TENM2: variants seen among roughly 807,000 people sequenced by gnomAD.
The protein encoded by TENM2 is teneurin transmembrane protein 2, also known as teneurin-2.
TENM2 carries 52 observed loss-of-function variants against 245.2 expected under a neutral mutation model. The ratio of observed to expected loss-of-function variants is 0.21; its 90% CI spans 0.17 to 0.27. The LOEUF is 0.27. TENM2 is among the 10% of genes least tolerant of loss of function. The pLI, the probability that TENM2 is intolerant of heterozygous loss-of-function variation, is 1.00. For missense variants in TENM2, 3,046 were observed against 3,666.8 expected, an observed-to-expected ratio of 0.83 and a Z score of 4.37; for synonymous variants, 1,363 against 1,438.9, an observed-to-expected ratio of 0.95 and a Z score of 1.19.
intron 2 of TENM2, among the ~76,000 whole-genome samples, chr5:167,617,716 C>A (rs1194704839): frequency 1.3e-5 from 2 of 152,112 alleles, no homozygotes; most frequent in African/African-American, 4.8e-5. Context: ...TAATGCTATG[C>A]TTTAAACATT....
At chr5:167,408,956 A>G (rs896967723) in intron 2 of TENM2, among the ~76,000 whole-genome samples, 1 of 151,020 alleles carries the variant, frequency 6.6e-6, no homozygotes, top group South Asian at 2.1e-4. Context: ...ATATATATAT[A>G]TATACACACA....
chr5:167,013,390 A>G, the TENM2 span, among the ~76,000 whole-genome samples: 9 of 152,206 alleles, frequency 5.9e-5, no homozygotes, highest in East Asian at 1.5e-3. Context: ...CACCTTTTCT[A>G]TCAGTAGCCT....
the TENM2 span, among the ~76,000 whole-genome samples, chr5:167,233,805 A>T: frequency 0.014 from 2,160 of 152,228 alleles, 24 homozygotes; most frequent in Non-Finnish European, 0.023. Flanking sequence ...ATTATGTCTA[A>T]TTTTTTTAAT....
the TENM2 span, among the ~76,000 whole-genome samples, chr5:166,993,016 C>T: frequency 1.3e-5 from 2 of 152,040 alleles, no homozygotes; most frequent in Non-Finnish European, 2.9e-5. Flanking sequence ...CATGCGTGGC[C>T]TTTCCCCTCT....
chr5:167,381,866 T>G (rs2127336017), intron 2 of TENM2, among the ~76,000 whole-genome samples: 1 of 152,340 alleles, frequency 6.6e-6, no homozygotes, highest in South Asian at 2.1e-4. Flanking sequence ...AAAGTGGGTT[T>G]AATTTTGCTC....
intron 3 of TENM2, chr5:167,934,758 AG>A (rs1212396712): frequency 1.7e-6 from 1 of 598,182 alleles, no homozygotes; most frequent in African/African-American, 2.0e-5. Context: ...TCTTCCCACA[AG>A]GAAACTCGGC....
At chr5:168,011,131 G>A (rs1485131713) in intron 5 of TENM2, among the ~76,000 whole-genome samples, 3 of 152,204 alleles carry the variant, frequency 2.0e-5, no homozygotes, top group Admixed American at 2.0e-4. Flanking sequence ...CTCAGCCTTT[G>A]CTCATTAATG....
At chr5:167,002,644 A>C in the TENM2 span, among the ~76,000 whole-genome samples, 1 of 151,988 alleles carries the variant, frequency 6.6e-6, no homozygotes, top group Non-Finnish European at 1.5e-5. Flanking sequence ...GTGTCTGCAA[A>C]AAGACAAAAA....
At chr5:168,253,988 G>A (rs1487303750) in intron 27 of TENM2, among the ~76,000 whole-genome samples, 1 of 152,184 alleles carries the variant, frequency 6.6e-6, no homozygotes, top group Non-Finnish European at 1.5e-5. Flanking sequence ...CTTTGGCTAC[G>A]AACCCCAGGC....
At chr5:167,275,594 C>T in the TENM2 span, among the ~76,000 whole-genome samples, 1 of 151,994 alleles carries the variant, frequency 6.6e-6, no homozygotes, top group East Asian at 1.9e-4. Context: ...AGCTTTGTAT[C>T]TAAGTACTTC....
intron 2 of TENM2, among the ~76,000 whole-genome samples, chr5:167,535,760 A>G (rs1771802059): frequency 6.6e-6 from 1 of 152,266 alleles, no homozygotes. Flanking sequence ...CCCAGCCACC[A>G]GAACTATGAG....
chr5:167,369,837 T>C (rs1183027653), intron 1 of TENM2, among the ~76,000 whole-genome samples: 1 of 152,224 alleles, frequency 6.6e-6, no homozygotes, highest in African/African-American at 2.4e-5. Context: ...TTCAGTGCTA[T>C]TTGTGTATCC....
At chr5:167,943,392 C>A (rs1245650352) in intron 3 of TENM2, among the ~76,000 whole-genome samples, 1 of 151,864 alleles carries the variant, frequency 6.6e-6, no homozygotes, top group Non-Finnish European at 1.5e-5. Flanking sequence ...CTGTAAACAT[C>A]TCAAAGAGAG....
intron 2 of TENM2, among the ~76,000 whole-genome samples, chr5:167,411,538 C>CTG (rs946583195): frequency 6.8e-6 from 1 of 146,162 alleles, no homozygotes; most frequent in South Asian, 2.2e-4. Flanking sequence ...CAAGTTGTGT[C>CTG]TGTGTTTGTG....
rs749818219 is a variant in TENM2 at position 167,358,842 on chromosome 5, CACACACACA to C, written c.227-16355_227-16347del. Among the ~76,000 whole-genome samples the C allele has an allele frequency of 3.5e-3, 358 of 101,902 alleles. 1 individual carries two copies. Among genetic ancestry groups the C allele is most frequent in the Non-Finnish European group, 6.4e-3 (278 of 43,606 alleles). 66.9% of individuals were successfully genotyped at this position (101,902 alleles called of 152,430 possible). On this transcript the variant is annotated intron_variant, in intron 1 of 28. Coordinates refer to ENST00000518659, the Ensembl canonical transcript of TENM2. ...ACACACACACACACACACACACACA[CACACACACA>C]CCCTGCTGTTTTTACAGCCTACCCC...
chr5:167,395,346 A>G (rs995264522), intron 2 of TENM2, among the ~76,000 whole-genome samples: 2 of 152,140 alleles, frequency 1.3e-5, no homozygotes, highest in Non-Finnish European at 2.9e-5. Flanking sequence ...GTATCCTGCA[A>G]CTTTACTGAA....
At chr5:167,412,828 T>C (rs2127407600) in intron 2 of TENM2, among the ~76,000 whole-genome samples, 1 of 151,630 alleles carries the variant, frequency 6.6e-6, no homozygotes, top group Non-Finnish European at 1.5e-5. Flanking sequence ...AGATGTTACA[T>C]GTTTAACTTA....
chr5:167,297,190 T>G (rs1754992493), intron 1 of TENM2, among the ~76,000 whole-genome samples: 1 of 152,226 alleles, frequency 6.6e-6, no homozygotes. Flanking sequence ...TGACTTAGAA[T>G]CTCACTTTTC....
rs1770012938 is a variant in TENM2 at position 167,846,073 on chromosome 5, T to A, written c.503-29913T>A. 2.0e-5 allele frequency among the ~76,000 whole-genome samples: 3 copies of A among 152,186 alleles called. 1 individual carries two copies. In the South Asian group the frequency reaches 6.2e-4, roughly 32 times the overall value. ...TTGACCTCACCTTCCCCAGGCAGAG[T>A]TCACTGCACCCTCTTCTGGGTTGCA... On this transcript the variant is annotated intron_variant, in intron 2 of 28. Coordinates refer to ENST00000518659, the Ensembl canonical transcript of TENM2.
Sources: allele counts gnomAD v4.1 joint callset (sites outside exome capture counted in the v4.1 genomes callset), GRCh38; gene constraint gnomAD v4.1.1; transcripts MANE v1.5; gene names NCBI Gene and HGNC (gene_info 2026-07-23, HGNC 2026-07-21).